AMELX: variants seen among roughly 807,000 people sequenced by gnomAD.
AMELX encodes the protein amelogenin, X isoform.
In AMELX, 9 loss-of-function variants were observed where a neutral mutation model predicts 15.8. The ratio of observed to expected loss-of-function variants is 0.57; its 90% CI spans 0.34 to 0.99. The LOEUF is 0.99. Ranked by LOEUF, AMELX falls within the 50% of genes least tolerant of loss-of-function variation. The pLI, the probability that AMELX is intolerant of heterozygous loss-of-function variation, is 0.02. For synonymous variants in AMELX, 61 were observed against 58.8 expected (o/e 1.04, Z -0.17); for missense variants, 107 against 156.2 (o/e 0.68, Z 1.68).
the AMELX span, among the ~76,000 whole-genome samples, chrX:11,306,542 C>A: frequency 8.9e-6 from 1 of 112,416 alleles, no homozygotes; most frequent in Non-Finnish European, 1.9e-5. Context: ...TCATTTAATT[C>A]TCACAACGTT....
chrX:11,298,007 T>C lies in AMELX; in HGVS notation c.103-229T>C, dbSNP rs761478010. The C allele has an allele frequency of 7.2e-5, 64 of 887,427 alleles. 1 individual carries two copies. The highest frequency in any genetic ancestry group is 4.0e-4 in the Middle Eastern group (1 of 2,490). 73.1% of individuals were successfully genotyped at this position (887,427 alleles called of 1,213,427 possible). On this transcript the variant is annotated intron_variant, in intron 3 of 5. Coordinates refer to ENST00000380714, the MANE Select transcript of AMELX (RefSeq NM_001142.2). The stretch of plus-strand genomic sequence containing the variant: ...GTAATAATACTTGCCTCCTAGCATA[T>C]AAGAAAAGATGAAGAATGTGTGTGA...
the AMELX span, among the ~76,000 whole-genome samples, chrX:11,309,437 G>A: frequency 3.6e-5 from 4 of 110,768 alleles, no homozygotes; most frequent in Non-Finnish European, 5.7e-5. Flanking sequence ...AGAGGATCTC[G>A]GAGGGAGAGA....
intron 1 of AMELX, 36 bp from the exon 2 acceptor site, chrX:11,294,741 A>C (rs2048052537): frequency 1.5e-4 from 166 of 1,144,787 alleles, no homozygotes; most frequent in Non-Finnish European, 1.8e-4. Flanking sequence ...ATGTTTCAGA[A>C]GAGATAAGAA....
chrX:11,306,199 C>T, the AMELX span, among the ~76,000 whole-genome samples: 2 of 112,293 alleles, frequency 1.8e-5, no homozygotes, highest in East Asian at 5.6e-4. Context: ...ATGACCAACA[C>T]CTCAATGTCA....
At chrX:11,303,980 C>G (rs983118495), downstream of AMELX, among the ~76,000 whole-genome samples, 1 of 112,048 alleles carries the variant, frequency 8.9e-6, no homozygotes, top group African/African-American at 3.2e-5. Context: ...GAGCTTTGTC[C>G]TGCCTCTGTA....
chrX:11,306,231 G>A, the AMELX span, among the ~76,000 whole-genome samples: 3 of 112,245 alleles, frequency 2.7e-5, no homozygotes, highest in Non-Finnish European at 5.6e-5. Context: ...AACCTCTCTC[G>A]CTAGTCCACA....
At chrX:11,305,636 G>A (rs183773781), downstream of AMELX, among the ~76,000 whole-genome samples, 628 of 111,791 alleles carry the variant, frequency 5.6e-3, 2 homozygotes, top group Non-Finnish European at 8.1e-3. Context: ...ATTTAGCCAT[G>A]AGTGTAACTA....
the AMELX span, among the ~76,000 whole-genome samples, chrX:11,306,976 C>T: frequency 2.1e-4 from 23 of 111,522 alleles, no homozygotes; most frequent in Non-Finnish European, 4.1e-4. Flanking sequence ...GACAACATTG[C>T]CATGGCAACC....
At chrX:11,306,523 T>C in the AMELX span, among the ~76,000 whole-genome samples, 1 of 112,577 alleles carries the variant, frequency 8.9e-6, no homozygotes, top group Non-Finnish European at 1.9e-5. Context: ...GCACATGACA[T>C]GTATTAGCTC....
At chrX:11,300,988 T>C (rs886744323), downstream of AMELX, among the ~76,000 whole-genome samples, 3 of 111,852 alleles carry the variant, frequency 2.7e-5, no homozygotes, top group African/African-American at 9.7e-5. Context: ...GTTGATAAAA[T>C]GAAAATTTAT....
intron 4 of AMELX, 135 bp from the exon 5 acceptor site, chrX:11,298,413 T>C (rs2048120581): frequency 9.0e-7 from 1 of 1,116,510 alleles, no homozygotes; most frequent in African/African-American, 1.8e-5. Context: ...CATATCTGTG[T>C]ACACAGTTAC....
rs760321133 is a variant in AMELX, at chrX:11,298,746, C to T, written c.343C>T (p.His115Tyr). 2.7e-5 allele frequency: 33 copies of T among 1,208,843 alleles called. No individual in the cohort carries two copies. In the South Asian group the frequency reaches 5.8e-4, roughly 21 times the overall value. Residue 115 changes from histidine (H) to tyrosine (Y), a missense_variant, in exon 5 of 6, where the codon CAC becomes TAC. His to Tyr is a moderately conservative substitution (Grantham distance 83, BLOSUM62 2). Coordinates refer to ENST00000380714, the MANE Select transcript of AMELX (RefSeq NM_001142.2). Reference protein sequence around the residue: ...GQHSMTPIQHHQPNLPPPAQQ... With the variant: ...GQHSMTPIQHYQPNLPPPAQQ... Reference sequence around the variant, plus strand: ...ACACTCCATGACTCCAATCCAACACCACCAGCCAAACCTCCCTCCGCCCGC... The same window carrying T: ...ACACTCCATGACTCCAATCCAACACTACCAGCCAAACCTCCCTCCGCCCGC...
At chrX:11,296,227 G>C (rs1168554385) in intron 2 of AMELX, among the ~76,000 whole-genome samples, 1 of 112,024 alleles carries the variant, frequency 8.9e-6, no homozygotes, top group African/African-American at 3.2e-5. Context: ...TGGAAGTGTT[G>C]TTTACTTTGC....
intron 5 of AMELX, among the ~76,000 whole-genome samples, chrX:11,300,184 T>G (rs145680107): frequency 0.01 from 1,139 of 111,920 alleles, 24 homozygotes; most frequent in African/African-American, 0.034. Context: ...TGTGCTCACA[T>G]CTTGACAAAG....
intron 3 of AMELX, 148 bp downstream of exon 3, chrX:11,296,974 T>A (rs1380883460): frequency 1.2e-6 from 1 of 856,996 alleles, no homozygotes; most frequent in Non-Finnish European, 1.7e-6. Context: ...CAGTTTAAGC[T>A]CTGATGGTTG....
At chrX:11,298,046 A>G in intron 3 of AMELX, 190 bp from the exon 4 acceptor site, 2 of 1,090,947 alleles carry the variant, frequency 1.8e-6, no homozygotes, top group Non-Finnish European at 2.5e-6. Context: ...ATGTAAACAC[A>G]GTGCCTGTCA....
At chrX:11,293,505 A>G (rs373864857) in intron 1 of AMELX, 37 bp downstream of exon 1, 6 of 112,036 alleles carry the variant, frequency 5.4e-5, no homozygotes, top group African/African-American at 1.9e-4. Flanking sequence ...TATCCTTTTT[A>G]TTGTGCTTAT....
Position 11,298,166 on chromosome X carries a change from C to T in AMELX, c.103-70C>T, listed in dbSNP as rs765286677. On this transcript the variant is annotated intron_variant, in intron 3 of 5. Transcript: ENST00000380714. ...ATTAGTGAGTCTATATTTCCTACTG[C>T]ATCAGTGAGTTTCTATATTGGATGA... The T allele has an allele frequency of 2.5e-6, 3 of 1,207,378 alleles. No homozygotes were observed. The Admixed American group carries it at 6.5e-5, about 26-fold the overall frequency.
At chrX:11,300,059 A>C (rs1433916437) in intron 5 of AMELX, among the ~76,000 whole-genome samples, 1 of 112,041 alleles carries the variant, frequency 8.9e-6, no homozygotes, top group Non-Finnish European at 1.9e-5. Flanking sequence ...AAATTGATTG[A>C]ATCCCAAGTA....
Sources: gnomAD v4.1 joint callset for allele counts (sites outside exome capture counted in the v4.1 genomes callset) on GRCh38, gnomAD v4.1.1 for gene constraint, MANE v1.5 for transcripts, NCBI Gene and HGNC (gene_info 2026-07-23, HGNC 2026-07-21) for gene names.